Variants in AGBL3 observed in about 807,000 individuals in gnomAD.
AGBL3 encodes cytosolic carboxypeptidase 3.
Under a neutral mutation model 94.5 loss-of-function variants are expected in AGBL3, and 68 were observed. The observed-to-expected ratio is 0.72, with a 90% CI of 0.59 to 0.88. The LOEUF (loss-of-function observed/expected upper bound fraction) is 0.88. Among genes scored for constraint, AGBL3 ranks in the 40% least tolerant of loss-of-function variants. The pLI, the probability that AGBL3 is intolerant of heterozygous loss-of-function variation, is 0.00. For missense variants in AGBL3, 934 were observed against 1,103.8 expected, an observed-to-expected ratio of 0.85 and a Z score of 2.18; for synonymous variants, 354 against 370.7, an observed-to-expected ratio of 0.95 and a Z score of 0.52.
At chr7:134,991,867 C>T (rs1285536966) in intron 3 of AGBL3, among the ~76,000 whole-genome samples, 1 of 152,030 alleles carries the variant, frequency 6.6e-6, no homozygotes, top group Non-Finnish European at 1.5e-5. Context: ...CCATTTGCAC[C>T]ACCACACTTC....
chr7:135,048,776 A>T (rs934175308), intron 11 of AGBL3, among the ~76,000 whole-genome samples: 2 of 150,322 alleles, frequency 1.3e-5, no homozygotes, highest in Non-Finnish European at 3.0e-5. Flanking sequence ...AATGGAGTCC[A>T]TAGGGTTTTC....
intron 15 of AGBL3, among the ~76,000 whole-genome samples, chr7:135,109,637 G>C (rs1825318433): frequency 6.6e-6 from 1 of 152,252 alleles, no homozygotes; most frequent in Non-Finnish European, 1.5e-5. Context: ...TCCCAGGGAA[G>C]TTTGAAACTG....
chr7:135,028,231 G>A (rs938390840), intron 5 of AGBL3, among the ~76,000 whole-genome samples: 3 of 151,498 alleles, frequency 2.0e-5, no homozygotes, highest in South Asian at 2.1e-4. Flanking sequence ...AGACAGCAGT[G>A]AGTCAATTAG....
intron 12 of AGBL3, among the ~76,000 whole-genome samples, chr7:135,074,565 A>G (rs1329457183): frequency 6.6e-6 from 1 of 152,052 alleles, no homozygotes; most frequent in African/African-American, 2.4e-5. Flanking sequence ...GTGCCATCAC[A>G]TTCTCCCTTT....
chr7:134,987,305 T>C (rs1334435259), intron 1 of AGBL3, among the ~76,000 whole-genome samples: 1 of 152,170 alleles, frequency 6.6e-6, no homozygotes, highest in Non-Finnish European at 1.5e-5. Flanking sequence ...GGTCTTGATA[T>C]TACCCACATG....
chr7:135,069,051 A>AAT (rs1385832160), intron 12 of AGBL3, among the ~76,000 whole-genome samples: 1 of 152,198 alleles, frequency 6.6e-6, no homozygotes, highest in Non-Finnish European at 1.5e-5. Context: ...AGCAAATGAA[A>AAT]ACAAAAAAAG....
At position 135,079,996 on chromosome 7, in the gene AGBL3, T is replaced by A. The variant is rs184008804; in HGVS notation, c.1981-207T>A. ...GCCAAAATATAGTATCAATATTTTC[T>A]TCTACTCATTGATGCAGGAGAAAAG... On this transcript the variant is annotated intron_variant, in intron 13 of 16. Transcript: ENST00000436302. Among the ~76,000 whole-genome samples, 15 of 152,278 alleles carry A rather than the reference T, an allele frequency of 9.9e-5. No individual in the cohort carries two copies. The East Asian group carries it at 2.1e-3, about 22-fold the overall frequency.
chr7:135,060,244 G>A (rs1271451594), intron 12 of AGBL3, among the ~76,000 whole-genome samples: 2 of 151,956 alleles, frequency 1.3e-5, no homozygotes, highest in Non-Finnish European at 2.9e-5. Context: ...TACATAATTT[G>A]TGTCATCATT....
intron 4 of AGBL3, among the ~76,000 whole-genome samples, chr7:135,016,492 A>T (rs1234946534): frequency 6.6e-6 from 1 of 152,098 alleles, no homozygotes; most frequent in Non-Finnish European, 1.5e-5. Context: ...TTTTTCCCCC[A>T]TCAAATAGGT....
chr7:135,069,707 G>C (rs1157851774), intron 12 of AGBL3, among the ~76,000 whole-genome samples: 1 of 152,090 alleles, frequency 6.6e-6, no homozygotes, highest in Non-Finnish European at 1.5e-5. Flanking sequence ...CAGAATCTCT[G>C]GGACATATTC....
intron 15 of AGBL3, among the ~76,000 whole-genome samples, chr7:135,111,579 T>C (rs1477008344): frequency 6.6e-6 from 1 of 151,888 alleles, no homozygotes; most frequent in Non-Finnish European, 1.5e-5. Context: ...CGTCTGTTTT[T>C]TGGTCTTTAA....
intron 4 of AGBL3, among the ~76,000 whole-genome samples, chr7:134,998,838 A>G (rs6979141): frequency 0.014 from 2,169 of 152,302 alleles, 45 homozygotes; most frequent in African/African-American, 0.049. Context: ...GCTGGAAAAA[A>G]AAAGAAAAGT....
intron 13 of AGBL3, among the ~76,000 whole-genome samples, chr7:135,077,147 G>A (rs80000697): frequency 0.012 from 1,754 of 147,986 alleles, 29 homozygotes; most frequent in African/African-American, 0.041. Context: ...ATCCCAGGAG[G>A]GGGAGGATAT....
chr7:135,024,185 G>T (rs1814830189), intron 5 of AGBL3, among the ~76,000 whole-genome samples: 1 of 152,162 alleles, frequency 6.6e-6, no homozygotes, highest in Admixed American at 6.5e-5. Context: ...AACACAAGTG[G>T]CACCAGTGAT....
intron 12 of AGBL3, among the ~76,000 whole-genome samples, chr7:135,070,209 G>C (rs563826971): frequency 6.6e-6 from 1 of 152,114 alleles, no homozygotes; most frequent in Admixed American, 6.5e-5. Flanking sequence ...CCAATAACAG[G>C]CTCTGAAATG....
At chr7:134,993,991 T>G (rs1810641733) in intron 4 of AGBL3, among the ~76,000 whole-genome samples, 2 of 152,230 alleles carry the variant, frequency 1.3e-5, no homozygotes, top group African/African-American at 4.8e-5. Flanking sequence ...TCAGCCACAT[T>G]TCAAGTGTTC....
rs560904162 is a variant in AGBL3, at chr7:135,015,959, A to T, written c.311-1093A>T. Among the ~76,000 whole-genome samples, 221 of 150,434 alleles carry T rather than the reference A, an allele frequency of 1.5e-3. 6 individuals are homozygous for T. The East Asian group carries it at 0.016, about 11-fold the overall frequency. ...GGCAGGAGAATGGCGTGAACCCGGG[A>T]GGCGGAGCTTGCAGTGAGCTGAGAT... On this transcript the variant is annotated intron_variant, in intron 4 of 16. Coordinates refer to ENST00000436302, the MANE Select transcript of AGBL3 (RefSeq NM_178563.4).
At chr7:135,113,943 C>T (rs1825974462) in intron 15 of AGBL3, among the ~76,000 whole-genome samples, 2 of 152,134 alleles carry the variant, frequency 1.3e-5, no homozygotes, top group Admixed American at 1.3e-4. Context: ...ATTTGGATGA[C>T]AAATGTGATA....
chr7:134,991,426 A>AT (rs529173843), intron 3 of AGBL3, among the ~76,000 whole-genome samples: 6 of 151,874 alleles, frequency 4.0e-5, no homozygotes, highest in Middle Eastern at 6.8e-3. Context: ...TGGAGAAGGA[A>AT]TTTTTTTTGT....
Sources: allele counts gnomAD v4.1 joint callset (sites outside exome capture counted in the v4.1 genomes callset), GRCh38; gene constraint gnomAD v4.1.1; transcripts MANE v1.5; gene names NCBI Gene and HGNC (gene_info 2026-07-23, HGNC 2026-07-21).